Variants in PIGN observed in about 807,000 individuals in gnomAD.
PIGN encodes the protein phosphatidylinositol glycan anchor biosynthesis class N.
In PIGN, 117 loss-of-function variants were observed where a neutral mutation model predicts 125.4. The observed-to-expected ratio is 0.93, with a 90% CI of 0.80 to 1.09. PIGN has a LOEUF of 1.09. PIGN is among the 50% of genes least tolerant of loss of function. The pLI is 0.00. For synonymous variants in PIGN, 392 were observed against 377.8 expected (o/e 1.04, Z -0.44); for missense variants, 1,075 against 1,094.9 (o/e 0.98, Z 0.26).
chr18:62,120,059 C>G (rs375674370), intron 14 of PIGN, among the ~76,000 whole-genome samples: 1 of 152,134 alleles, frequency 6.6e-6, no homozygotes, highest in East Asian at 1.9e-4. Context: ...AGGCCAAGAA[C>G]TTTACAAAAC....
intron 23 of PIGN, among the ~76,000 whole-genome samples, chr18:62,091,830 T>A (rs766068703): frequency 5.9e-5 from 9 of 152,218 alleles, no homozygotes; most frequent in Non-Finnish European, 1.3e-4. Context: ...TATTACTTTA[T>A]AAAATCTTTG....
chr18:62,086,560 T>C (rs2033712112), intron 25 of PIGN, among the ~76,000 whole-genome samples: 1 of 150,902 alleles, frequency 6.6e-6, no homozygotes, highest in African/African-American at 2.4e-5. Context: ...GAGGTTGCAG[T>C]GAGCCAAGAT....
intron 14 of PIGN, chr18:62,123,598 T>C (rs2035391903): frequency 1.3e-5 from 2 of 152,192 alleles, no homozygotes; most frequent in Non-Finnish European, 2.9e-5. Context: ...TAGAAAGCAG[T>C]TGTACAATGA....
intron 30 of PIGN, among the ~76,000 whole-genome samples, chr18:62,048,155 T>G (rs1832322722): frequency 6.6e-6 from 1 of 151,974 alleles, no homozygotes; most frequent in Admixed American, 6.6e-5. Context: ...TTACCCAGCC[T>G]GAAAAACAAA....
rs79197079 is a variant in PIGN, at chr18:62,120,081, A to C, written c.1173-5442T>G. On this transcript the variant is annotated intron_variant, in intron 14 of 30. Coordinates refer to ENST00000640252, the MANE Select transcript of PIGN (RefSeq NM_176787.5). The stretch of plus-strand genomic sequence containing the variant: ...GAACTTTACAAAACTAATGAAAGAT[A>C]CTAATCCACAGATTTAAGAACATCT... 9.6e-3 allele frequency among the ~76,000 whole-genome samples: 1,462 copies of C among 152,246 alleles called. 48 individuals carry two copies. Among genetic ancestry groups the C allele is most frequent in the East Asian group, 0.068 (350 of 5,176 alleles).
chr18:62,169,473 A>AC (rs2037273140), intron 1 of PIGN, among the ~76,000 whole-genome samples: 1 of 122,186 alleles, frequency 8.2e-6, no homozygotes, highest in Non-Finnish European at 1.7e-5. Flanking sequence ...TTTTTTTATT[A>AC]TTTTTTTTTT....
rs1404943683 is a variant in PIGN at position 62,106,846 on chromosome 18, A to G, written c.1710T>C (p.Ala570=). 4 of 1,609,496 alleles carry G rather than the reference A, an allele frequency of 2.5e-6. No homozygotes were observed. Among genetic ancestry groups the G allele is most frequent in the African/African-American group, 2.7e-5 (2 of 74,874 alleles). ...GCCAAGCTGCAAAGGCAGTAAGTCCAGCGGTAAGCATATAGCGGTAGAAAA... is the reference window on the plus strand; with the variant it reads ...GCCAAGCTGCAAAGGCAGTAAGTCCGGCGGTAAGCATATAGCGGTAGAAAA... ...LSFFYRYMLT[A]GLTAFAAWPF... The change falls in exon 19 of 31, where the codon GCT becomes GCC. Residue 570 remains alanine (A), a synonymous_variant. Transcript: ENST00000640252.
At chr18:62,128,189 C>T (rs1375536780) in intron 14 of PIGN, among the ~76,000 whole-genome samples, 2 of 151,948 alleles carry the variant, frequency 1.3e-5, no homozygotes, top group Non-Finnish European at 2.9e-5. Context: ...CATGACATTA[C>T]CAAAAAAATA....
At chr18:62,072,250 G>A (rs1270115258) in intron 30 of PIGN, 2 of 152,538 alleles carry the variant, frequency 1.3e-5, no homozygotes, top group East Asian at 3.8e-4. Flanking sequence ...TAAGCTAAGT[G>A]TTATTATAAA....
At chr18:62,148,123 T>C (rs933471155) in intron 8 of PIGN, 91 bp downstream of exon 8, 1 of 978,910 alleles carries the variant, frequency 1.0e-6, no homozygotes, top group Non-Finnish European at 1.5e-6. Context: ...ATTAGCTCTG[T>C]TGTTATAATT....
chr18:62,146,828 G>T, intron 9 of PIGN, 143 bp downstream of exon 9: 9 of 714,426 alleles, frequency 1.3e-5, no homozygotes, highest in South Asian at 1.1e-4. Flanking sequence ...TGTTTTTTAG[G>T]CTAACATTTT....
At chr18:62,085,403 C>A in intron 25 of PIGN, 139 bp from the exon 26 acceptor site, 1 of 653,936 alleles carries the variant, frequency 1.5e-6, no homozygotes, top group South Asian at 1.8e-5. Context: ...ATGAACATTC[C>A]ATTATAACTC....
At chr18:62,071,863 C>CATATATATATATATATATATAT (rs61508545) in intron 30 of PIGN, among the ~76,000 whole-genome samples, 1 of 77,618 alleles carries the variant, frequency 1.3e-5, no homozygotes, top group African/African-American at 4.6e-5. Context: ...ACTCCTTTTC[C>CATATATATATATATATATATAT]ATATATATAT....
chr18:62,090,473 T>C lies in PIGN; in HGVS notation c.2283+3A>G, dbSNP rs1456523787. 3.2e-6 allele frequency: 5 copies of C among 1,571,096 alleles called. No individual in the cohort carries two copies. The African/African-American group carries it at 5.4e-5, about 17-fold the overall frequency. On this transcript the variant is annotated splice_donor_region_variant and intron_variant, in intron 24 of 30. Transcript: ENST00000640252. ...AAAAACAAAAATGACTTTGACCAGC[T>C]ACCTTTTGTTTACAGCAAACACCAG...
At chr18:62,098,083 A>G (rs763376636) in intron 22 of PIGN, among the ~76,000 whole-genome samples, 7 of 152,242 alleles carry the variant, frequency 4.6e-5, no homozygotes, top group African/African-American at 1.2e-4. Context: ...ATAACATTAA[A>G]AAGTTGTGAG....
intron 30 of PIGN, among the ~76,000 whole-genome samples, chr18:62,048,277 A>C (rs1401542649): frequency 6.6e-6 from 1 of 152,224 alleles, no homozygotes; most frequent in Admixed American, 6.5e-5. Context: ...AGGCTAAAAG[A>C]GTACTCACAG....
In PIGN at chr18:62,157,176, T is replaced by C. The variant is rs1177231793; in HGVS notation, c.395A>G (p.Tyr132Cys). The change falls in exon 6 of 31, where the codon TAC (tyrosine) becomes TGC (cysteine). Residue 132 changes from tyrosine (Y) to cysteine (C), a missense_variant. Transcript: ENST00000640252. ...ATCTGGGCTTCCCCAGCTCCATGTGTATTTACTTTCATTAAAAAGAGAATC... is the reference window on the plus strand; with the variant it reads ...ATCTGGGCTTCCCCAGCTCCATGTGCATTTACTTTCATTAAAAAGAGAATC... ...EFDSLFNESK[Y>C]TWSWGSPDIL... The C allele has an allele frequency of 1.2e-6, 2 of 1,610,216 alleles. No homozygotes were observed. Among genetic ancestry groups the C allele is most frequent in the Non-Finnish European group, 1.7e-6 (2 of 1,177,640 alleles).
At chr18:62,070,897 C>A (rs138646730) in intron 30 of PIGN, among the ~76,000 whole-genome samples, 1 of 152,060 alleles carries the variant, frequency 6.6e-6, no homozygotes, top group Non-Finnish European at 1.5e-5. Context: ...TTTTGACCTC[C>A]CAGGCTCAAG....
At chr18:62,179,418 T>C (rs972315752) in intron 1 of PIGN, among the ~76,000 whole-genome samples, 2 of 152,172 alleles carry the variant, frequency 1.3e-5, no homozygotes, top group African/African-American at 4.8e-5. Flanking sequence ...ATGAAGAGTA[T>C]ATATGTTAAA....
Sources: gnomAD v4.1 joint callset for allele counts (sites outside exome capture counted in the v4.1 genomes callset) on GRCh38, gnomAD v4.1.1 for gene constraint, MANE v1.5 for transcripts, NCBI Gene and HGNC (gene_info 2026-07-23, HGNC 2026-07-21) for gene names.